Variants in PAPPA observed in about 807,000 individuals in gnomAD.
PAPPA encodes pappalysin-1.
A neutral mutation model predicts 164.0 loss-of-function variants in PAPPA; 60 were observed. That is an observed-to-expected ratio of 0.37 (90% confidence interval 0.30 to 0.45). The LOEUF is 0.45. PAPPA is among the 20% of genes least tolerant of loss of function. PAPPA has a pLI of 1.00. For missense variants in PAPPA, 1,782 were observed against 2,087.3 expected (o/e 0.85, Z 2.85); for synonymous variants, 875 against 814.1 (o/e 1.07, Z -1.27).
chr9:116,334,988 G>C lies in PAPPA; in HGVS notation c.3525G>C (p.Gly1175=), dbSNP rs780721455. ...SFSSPLVAIS[G]VALRSFDNFD... is the part of the protein sequence containing the mutation. ...GTTCGCCCCTGGTCGCCATCTCGGGGGTGGCCCTCCGTTCCTTCGACAACT... is the reference window on the plus strand; with the variant it reads ...GTTCGCCCCTGGTCGCCATCTCGGGCGTGGCCCTCCGTTCCTTCGACAACT... Residue 1175 remains glycine, a synonymous_variant, in exon 13 of 22, where the codon GGG becomes GGC. Coordinates refer to ENST00000328252, the MANE Select transcript of PAPPA (RefSeq NM_002581.5). 2.5e-6 allele frequency: 4 copies of C among 1,613,852 alleles called. No homozygotes were observed. The African/African-American group carries it at 5.3e-5, about 22-fold the overall frequency.
intron 1 of PAPPA, among the ~76,000 whole-genome samples, chr9:116,181,813 G>A (rs995318167): frequency 1.3e-5 from 2 of 152,250 alleles, no homozygotes; most frequent in Admixed American, 6.5e-5. Flanking sequence ...TTGGGTTCTA[G>A]CGAAGTGGGC....
intron 10 of PAPPA, among the ~76,000 whole-genome samples, chr9:116,309,535 T>G (rs1308382028): frequency 1.3e-5 from 2 of 152,172 alleles, no homozygotes; most frequent in Non-Finnish European, 2.9e-5. Flanking sequence ...ACACTTATGA[T>G]GCAGTGTAGG....
At position 116,302,849 on chromosome 9, in the gene PAPPA, C is replaced by T; in HGVS notation, c.3046C>T (p.Pro1016Ser). Residue 1016 changes from proline to serine, a missense_variant, in exon 10 of 22, where the codon CCC (proline) becomes TCC (serine). Transcript: ENST00000328252. Reference protein sequence around the residue: ...TSIKDCGVYTPQGFLDQWASN... With the variant: ...TSIKDCGVYTSQGFLDQWASN... Reference sequence around the variant, plus strand: ...CATTAAGGACTGTGGTGTCTACACGCCCCAGGGATTCCTGGATCAGTGGGC... The same window carrying T: ...CATTAAGGACTGTGGTGTCTACACGTCCCAGGGATTCCTGGATCAGTGGGC... 1 of 1,613,870 alleles carries T rather than the reference C, an allele frequency of 6.2e-7. No individual in the cohort carries two copies.
At chr9:116,291,500 A>G (rs1845435404) in intron 9 of PAPPA, among the ~76,000 whole-genome samples, 1 of 152,208 alleles carries the variant, frequency 6.6e-6, no homozygotes, top group Non-Finnish European at 1.5e-5. Context: ...GGACATCTTC[A>G]GAATCATTGA....
At chr9:116,251,919 C>A (rs1844864275) in intron 7 of PAPPA, among the ~76,000 whole-genome samples, 1 of 152,186 alleles carries the variant, frequency 6.6e-6, no homozygotes, top group Non-Finnish European at 1.5e-5. Flanking sequence ...CCGCTGTTAC[C>A]TCGTCCCGGG....
chr9:116,202,568 G>A (rs1465317666), intron 2 of PAPPA, among the ~76,000 whole-genome samples: 5 of 152,166 alleles, frequency 3.3e-5, no homozygotes, highest in African/African-American at 7.2e-5. Context: ...CATGGGTTGT[G>A]TAGGAAGACA....
chr9:116,227,314 A>C (rs1844525353), intron 5 of PAPPA, 117 bp from the exon 6 acceptor site: 1 of 1,066,732 alleles, frequency 9.4e-7, no homozygotes, highest in African/African-American at 1.6e-5. Flanking sequence ...TAGGCAGGAA[A>C]GGGGGAAACA....
At chr9:116,362,028 A>C (rs74695142) in intron 17 of PAPPA, among the ~76,000 whole-genome samples, 1 of 152,196 alleles carries the variant, frequency 6.6e-6, no homozygotes, top group Non-Finnish European at 1.5e-5. Flanking sequence ...AATGGAATGA[A>C]ATGGAATAGA....
chr9:116,313,736 C>T (rs192977989), intron 10 of PAPPA, among the ~76,000 whole-genome samples: 2 of 152,100 alleles, frequency 1.3e-5, no homozygotes, highest in Non-Finnish European at 2.9e-5. Flanking sequence ...TGATATTAAG[C>T]CCTAGGAATG....
intron 9 of PAPPA, among the ~76,000 whole-genome samples, chr9:116,291,238 G>A (rs1387400609): frequency 6.6e-6 from 1 of 152,046 alleles, no homozygotes. Flanking sequence ...ACTCTAATAT[G>A]TGCTACCTTT....
intron 3 of PAPPA, among the ~76,000 whole-genome samples, chr9:116,207,950 A>G (rs1274979746): frequency 6.6e-6 from 1 of 152,014 alleles, no homozygotes; most frequent in African/African-American, 2.4e-5. Flanking sequence ...TTCTCCTTAT[A>G]CCCTCTGTCT....
chr9:116,356,241 ACT>A (rs1407753505), intron 17 of PAPPA, among the ~76,000 whole-genome samples: 1 of 152,242 alleles, frequency 6.6e-6, no homozygotes, highest in Non-Finnish European at 1.5e-5. Flanking sequence ...AGGCCAAGTT[ACT>A]TAACTCGTTA....
intron 7 of PAPPA, among the ~76,000 whole-genome samples, chr9:116,235,934 G>A (rs999398878): frequency 1.5e-4 from 23 of 152,214 alleles, no homozygotes; most frequent in African/African-American, 5.5e-4. Flanking sequence ...GAGGTTGGAT[G>A]AGAGTAGCAG....
In PAPPA at chr9:116,315,026, A is replaced by G. The variant is rs1042326138; in HGVS notation, c.3147+12076A>G. ...CAGCACAGGACCTGCTGTGTGGACA[A>G]TACTCAGAAAATGGACTCATTAAAT... On this transcript the variant is annotated intron_variant, in intron 10 of 21. Transcript: ENST00000328252. 3.9e-5 allele frequency among the ~76,000 whole-genome samples: 6 copies of G among 152,224 alleles called. No individual in the cohort carries two copies. The South Asian group carries it at 6.2e-4, about 16-fold the overall frequency.
chr9:116,325,487 G>T (rs1432293173), intron 10 of PAPPA, among the ~76,000 whole-genome samples: 1 of 152,152 alleles, frequency 6.6e-6, no homozygotes, highest in Non-Finnish European at 1.5e-5. Context: ...GTCTTCTACT[G>T]TCCATGGACG....
At chr9:116,242,252 G>A (rs567055779) in intron 7 of PAPPA, among the ~76,000 whole-genome samples, 1 of 152,136 alleles carries the variant, frequency 6.6e-6, no homozygotes, top group Non-Finnish European at 1.5e-5. Context: ...TGGAAGAAGT[G>A]ACATGTAAGC....
At chr9:116,350,990 A>G (rs1588016011) in intron 15 of PAPPA, among the ~76,000 whole-genome samples, 2 of 152,348 alleles carry the variant, frequency 1.3e-5, no homozygotes, top group East Asian at 3.9e-4. Context: ...AAAGAAGAAA[A>G]ATGAAAAAAA....
At chr9:116,362,824 C>A in intron 18 of PAPPA, 85 bp downstream of exon 18, 2 of 1,354,394 alleles carry the variant, frequency 1.5e-6, no homozygotes, top group South Asian at 1.4e-5. Context: ...TCATTGAACA[C>A]CCTGGCCACA....
Position 116,281,129 on chromosome 9 carries a change from T to C in PAPPA, c.2953+9713T>C, listed in dbSNP as rs548514281. Among the ~76,000 whole-genome samples, 13 of 152,324 alleles carry C rather than the reference T, an allele frequency of 8.5e-5. No homozygotes were observed. The South Asian group carries it at 2.7e-3, about 32-fold the overall frequency. ...TAATCTAGAGCTGATTTAAAGTACA[T>C]GGTAGGGTGTGCATAGGTCATATGC... On this transcript the variant is annotated intron_variant, in intron 9 of 21. Transcript: ENST00000328252.
Sources: allele counts gnomAD v4.1 joint callset (sites outside exome capture counted in the v4.1 genomes callset), GRCh38; gene constraint gnomAD v4.1.1; transcripts MANE v1.5; gene names NCBI Gene and HGNC (gene_info 2026-07-23, HGNC 2026-07-21).